The following JAK3 variants were observed in gnomAD, a reference collection of about 807,000 sequenced individuals.
The protein encoded by JAK3 is tyrosine-protein kinase JAK3.
Under a neutral mutation model 120.8 loss-of-function variants are expected in JAK3, and 88 were observed. The ratio of observed to expected loss-of-function variants is 0.73; its 90% CI spans 0.61 to 0.87. JAK3 has a LOEUF of 0.87. Ranked by LOEUF, JAK3 falls within the 40% of genes least tolerant of loss-of-function variation. The probability of loss-of-function intolerance (pLI) is 0.00; values close to 1 mark genes in which losing one functional copy is unlikely to be tolerated. For synonymous variants in JAK3, 592 were observed against 628.6 expected, an observed-to-expected ratio of 0.94 and a Z score of 0.87; for missense variants, 1,254 against 1,501.4, an observed-to-expected ratio of 0.84 and a Z score of 2.72.
At chr19:17,845,452 G>T (rs1224920026) in intron 1 of JAK3, among the ~76,000 whole-genome samples, 1 of 152,028 alleles carries the variant, frequency 6.6e-6, no homozygotes, top group Non-Finnish European at 1.5e-5. Context: ...ACCGCGCCTG[G>T]CCGAGACCAG....
Position 17,831,375 on chromosome 19 carries a change from C to A in JAK3, c.2831G>T (p.Arg944Leu). ...GGCGGCCAGGTCGCGGTGCACGCAGCGGCGGGAGCCCAGGTACTCCATGCC... is the reference window on the plus strand; with the variant it reads ...GGCGGCCAGGTCGCGGTGCACGCAGAGGCGGGAGCCCAGGTACTCCATGCC... ...CKGMEYLGSR[R>L]CVHRDLAARN... Residue 944 changes from arginine (R) to leucine (L), a missense_variant, in exon 21 of 24, where the codon CGC becomes CTC. Physicochemically the swap from Arg to Leu is moderately radical, Grantham distance 102. Around this residue, in one of 3 missense-constraint regions of JAK3, gnomAD observed 630 missense variants for 819.8 expected, o/e 0.77. Transcript: ENST00000458235. The surrounding 1 kb of genome is among the most constrained non-coding windows in gnomAD (Gnocchi z 5.1). The A allele has an allele frequency of 6.2e-7, 1 of 1,606,506 alleles. No individual in the cohort carries two copies. The highest frequency in any genetic ancestry group is 8.5e-7 in the Non-Finnish European group (1 of 1,179,770).
intron 23 of JAK3, 80 bp downstream of exon 23, chr19:17,830,028 A>G: frequency 2.0e-6 from 2 of 993,190 alleles, no homozygotes; most frequent in Non-Finnish European, 3.1e-6. Flanking sequence ...CAGTACAGAG[A>G]CTCAGGCGCC....
Position 17,831,227 on chromosome 19 carries a change from C to T in JAK3, c.2978+1G>A. On this transcript the variant is annotated splice_donor_variant, in intron 21 of 23. Coordinates refer to ENST00000458235, the MANE Select transcript of JAK3 (RefSeq NM_000215.4). LOFTEE classifies it high-confidence loss of function. This position sits in a 1 kb window ranked among gnomAD's most constrained non-coding sequence, Gnocchi z 5.1. Reference sequence around the variant, plus strand: ...GCGGAGCCTAGGCGCGGGTTCCCCACCAGAAAATGGGGCTCTGGCCTGGCT... The same window carrying T: ...GCGGAGCCTAGGCGCGGGTTCCCCATCAGAAAATGGGGCTCTGGCCTGGCT... 6.2e-7 allele frequency: 1 copy of T among 1,611,884 alleles called. No individual in the cohort carries two copies. The highest frequency in any genetic ancestry group is 8.5e-7 in the Non-Finnish European group (1 of 1,179,474).
intron 23 of JAK3, among the ~76,000 whole-genome samples, chr19:17,829,293 T>C (rs2094209482): frequency 6.6e-6 from 1 of 152,042 alleles, no homozygotes; most frequent in African/African-American, 2.4e-5. Context: ...GCCTCGCAAG[T>C]AGCTGAGATC....
In JAK3 at chr19:17,830,055, AC is replaced by A. The variant is rs1568400611; in HGVS notation, c.3207+52del. 3.7e-6 allele frequency: 5 copies of A among 1,356,522 alleles called. No homozygotes were observed. In the South Asian group the frequency reaches 6.2e-5, roughly 17 times the overall value. 84.0% of individuals were successfully genotyped at this position (1,356,522 alleles called of 1,614,324 possible). A position where few individuals can be genotyped will look rare whatever the true frequency, so the allele number is the denominator to read the frequency against. ...TCAGGCGCCAGCTGGCTTGCCCGAG[AC>A]CCCGGCCCAATCTACAGACTGGGAA... is the stretch of plus-strand genomic sequence containing the variant. On this transcript the variant is annotated intron_variant, in intron 23 of 23. Coordinates refer to ENST00000458235, the MANE Select transcript of JAK3 (RefSeq NM_000215.4).
In JAK3 at chr19:17,841,532, T is replaced by G. The variant is rs1599877620; in HGVS notation, c.999A>C (p.Pro333=). ...TDNQILEAEF[P]GLPEALSFVA... is the part of the protein sequence containing the mutation. ...CGAACGACAGAGCCTCGGGCAGCCC[T>G]GGGAACTCGGCCTCCTGCGAGGGAC... is the stretch of plus-strand genomic sequence containing the variant. The change falls in exon 8 of 24, where the codon CCA becomes CCC. Residue 333 remains proline (P), a synonymous_variant. Coordinates refer to ENST00000458235, the MANE Select transcript of JAK3 (RefSeq NM_000215.4). The surrounding 1 kb of genome is among the most constrained non-coding windows in gnomAD (Gnocchi z 4.1). The G allele has an allele frequency of 6.3e-7, 1 of 1,588,940 alleles. No homozygotes were observed.
intron 16 of JAK3, 40 bp downstream of exon 16, chr19:17,834,812 G>A: frequency 6.2e-7 from 1 of 1,613,704 alleles, no homozygotes; most frequent in Non-Finnish European, 8.5e-7. Flanking sequence ...TTCTGTCAAA[G>A]TGGGGGTTCG....
At chr19:17,844,810 A>AG (rs1425165687) in intron 1 of JAK3, among the ~76,000 whole-genome samples, 2 of 127,142 alleles carry the variant, frequency 1.6e-5, no homozygotes, top group Admixed American at 8.2e-5. Flanking sequence ...AAAAAAAAAA[A>AG]AAAGAAAGAA....
chr19:17,827,238 C>A (rs922183752), intron 23 of JAK3, among the ~76,000 whole-genome samples: 1 of 151,950 alleles, frequency 6.6e-6, no homozygotes, highest in East Asian at 1.9e-4. Flanking sequence ...CTTGGCCTCC[C>A]AAAGTGCTGG....
In JAK3 at chr19:17,825,456, T is replaced by A. The variant is rs771793558; in HGVS notation, c.*1287A>T. On this transcript the variant is annotated 3_prime_UTR_variant, in exon 24 of 24. Transcript: ENST00000458235. ...ACACTCAGATACCATTAGGGTGGAC[T>A]GGGACCCCAGCCTTTCCTGCCCCCT... The A allele has an allele frequency of 1.8e-4, 38 of 214,882 alleles. No individual in the cohort carries two copies. The highest frequency in any genetic ancestry group is 5.6e-4 in the South Asian group (3 of 5,400). 13.3% of individuals were successfully genotyped at this position (214,882 alleles called of 1,614,324 possible).
Position 17,837,198 on chromosome 19 carries a change from C to T in JAK3, c.1717G>A (p.Ala573Thr), listed in dbSNP as rs1307085219. 1 of 1,569,680 alleles carries T rather than the reference C, an allele frequency of 6.4e-7. No homozygotes were observed. The highest frequency in any genetic ancestry group is 1.2e-5 in the South Asian group (1 of 85,230). Residue 573 changes from alanine to threonine, a missense_variant, in exon 13 of 24, where the codon GCG (alanine) becomes ACG (threonine). Ala to Thr is a moderately conservative substitution (Grantham distance 58). Around this residue, in one of 3 missense-constraint regions of JAK3, gnomAD observed 630 missense variants for 819.8 expected, o/e 0.77. Transcript: ENST00000458235. ...KNCMESFLEA[A>T]SLMSQVSYRH... ...TACGACACTTGGCTCATCAAGCTCG[C>T]TGCTTCCAGGAATGACTGGGGAAGG...
chr19:17,840,590 C>T (rs1456903575), intron 8 of JAK3, among the ~76,000 whole-genome samples: 3 of 151,798 alleles, frequency 2.0e-5, no homozygotes, highest in Admixed American at 6.6e-5. Flanking sequence ...CGTGAAACCC[C>T]GTCGCTACTG....
At position 17,825,864 on chromosome 19, in the gene JAK3, G is replaced by C. The variant is rs1317949548; in HGVS notation, c.*879C>G. 7.5e-6 allele frequency: 1 copy of C among 133,394 alleles called. No individual in the cohort carries two copies. Among genetic ancestry groups the C allele is most frequent in the Non-Finnish European group, 1.5e-5 (1 of 65,530 alleles). 8.3% of individuals were successfully genotyped at this position (133,394 alleles called of 1,614,324 possible). A position where few individuals can be genotyped will look rare whatever the true frequency, so the allele number is the denominator to read the frequency against. ...TGCAGTGAGCCTAGATTGCGCCACTGTACTCCAGCCTGGGCGACAGAGCGA... is the reference window on the plus strand; with the variant it reads ...TGCAGTGAGCCTAGATTGCGCCACTCTACTCCAGCCTGGGCGACAGAGCGA... On this transcript the variant is annotated 3_prime_UTR_variant, in exon 24 of 24. Coordinates refer to ENST00000458235, the MANE Select transcript of JAK3 (RefSeq NM_000215.4).
chr19:17,845,752 A>G (rs3213406), intron 1 of JAK3, among the ~76,000 whole-genome samples: 6,725 of 152,086 alleles, frequency 0.044, 220 homozygotes, highest in Admixed American at 0.073. Context: ...TTATCTCTAG[A>G]AAAAAAACAC....
Position 17,841,869 on chromosome 19 carries a change from T to C in JAK3, c.862-107A>G, listed in dbSNP as rs3212729. 8.4e-3 allele frequency: 12,722 copies of C among 1,512,514 alleles called. 929 individuals carry two copies. The African/African-American group carries it at 0.16, about 19-fold the overall frequency. The allele number at this position is 1,512,514 out of a possible 1,614,324, so 93.7% of individuals were successfully genotyped here. On this transcript the variant is annotated intron_variant, in intron 6 of 23. Transcript: ENST00000458235. The surrounding 1 kb of genome is among the most constrained non-coding windows in gnomAD (Gnocchi z 4.1). The stretch of plus-strand genomic sequence containing the variant: ...CCATCCACTCCCTATCCCTTTGCCA[T>C]TCAACCCTTCCAAGCCGCGCCCCCT...
At chr19:17,828,963 T>C (rs938913469) in intron 23 of JAK3, among the ~76,000 whole-genome samples, 5 of 151,982 alleles carry the variant, frequency 3.3e-5, no homozygotes, top group African/African-American at 4.8e-5. Context: ...AAGACCAGCC[T>C]AGGCAACACA....
Position 17,835,220 on chromosome 19 carries a change from G to A in JAK3, c.1915-5C>T. 1 of 1,613,586 alleles carries A rather than the reference G, an allele frequency of 6.2e-7. No individual in the cohort carries two copies. Among genetic ancestry groups the A allele is most frequent in the Non-Finnish European group, 8.5e-7 (1 of 1,179,958 alleles). ...ATGGGGCAGGCCTTTGTCCTCCTAAGGGGGCCAGACACAGGAAAATGCCCG... is the reference window on the plus strand; with the variant it reads ...ATGGGGCAGGCCTTTGTCCTCCTAAAGGGGCCAGACACAGGAAAATGCCCG... On this transcript the variant is annotated splice_region_variant and splice_polypyrimidine_tract_variant and intron_variant, in intron 14 of 23. Coordinates refer to ENST00000458235, the MANE Select transcript of JAK3 (RefSeq NM_000215.4).
At chr19:17,836,827 A>G (rs2094225198) in intron 13 of JAK3, 1 of 497,522 alleles carries the variant, frequency 2.0e-6, no homozygotes, top group South Asian at 1.9e-5. Flanking sequence ...CCCATCCTAG[A>G]CTCCCAACCA....
chr19:17,842,670 C>G lies in JAK3; in HGVS notation c.567-60G>C. The G allele has an allele frequency of 6.8e-7, 1 of 1,460,714 alleles. No homozygotes were observed. Among genetic ancestry groups the G allele is most frequent in the Non-Finnish European group, 9.1e-7 (1 of 1,094,488 alleles). 90.5% of individuals were successfully genotyped at this position (1,460,714 alleles called of 1,614,324 possible). A position where few individuals can be genotyped will look rare whatever the true frequency, so the allele number is the denominator to read the frequency against. ...GCGTCGGGAGGGGTCCCCGCGGGGACACACACAAACCCAGGCTTTAGCCCA... is the reference window on the plus strand; with the variant it reads ...GCGTCGGGAGGGGTCCCCGCGGGGAGACACACAAACCCAGGCTTTAGCCCA... On this transcript the variant is annotated intron_variant, in intron 5 of 23. Coordinates refer to ENST00000458235, the MANE Select transcript of JAK3 (RefSeq NM_000215.4). The surrounding 1 kb of genome is among the most constrained non-coding windows in gnomAD (Gnocchi z 6.4).
Sources: allele counts gnomAD v4.1 joint callset (sites outside exome capture counted in the v4.1 genomes callset), GRCh38; gene constraint gnomAD v4.1.1; regional missense constraint gnomAD v4.1.1; non-coding constraint Gnocchi (gnomAD v3.1); transcripts MANE v1.5; gene names NCBI Gene and HGNC (gene_info 2026-07-23, HGNC 2026-07-21).